The following ASPH variants were observed in gnomAD, a reference collection of about 807,000 sequenced individuals.
The protein encoded by ASPH is aspartate beta-hydroxylase.
ASPH carries 100 observed loss-of-function variants against 118.4 expected under a neutral mutation model. The ratio of observed to expected loss-of-function variants is 0.84; its 90% CI spans 0.72 to 1.00. ASPH has a LOEUF of 1.00. ASPH is among the 50% of genes least tolerant of loss of function. The pLI is 0.00. For missense variants in ASPH, 920 were observed against 919.5 expected (o/e 1.00, Z -0.01); for synonymous variants, 315 against 325.6 (o/e 0.97, Z 0.35).
chr8:61,545,091 G>GA (rs1823304042), intron 21 of ASPH, among the ~76,000 whole-genome samples: 1 of 152,230 alleles, frequency 6.6e-6, no homozygotes, highest in African/African-American at 2.4e-5. Flanking sequence ...GACTAAAGCT[G>GA]AATCACTGAC....
At chr8:61,664,733 C>CGGGA in intron 3 of ASPH, 1 of 977,562 alleles carries the variant, frequency 1.0e-6, no homozygotes, top group Non-Finnish European at 1.2e-6. Context: ...TGAAAGGCTG[C>CGGGA]GGGAGGGCTG....
intron 3 of ASPH, among the ~76,000 whole-genome samples, chr8:61,667,512 G>A (rs1320053758): frequency 1.3e-5 from 2 of 152,052 alleles, no homozygotes; most frequent in African/African-American, 2.4e-5. Context: ...GATTACAGGT[G>A]CCTGCCACCA....
intron 21 of ASPH, among the ~76,000 whole-genome samples, chr8:61,547,088 A>G (rs1020345437): frequency 2.5e-4 from 38 of 152,204 alleles, no homozygotes; most frequent in Admixed American, 1.4e-3. Flanking sequence ...TTGAGTAGAA[A>G]ACAACATGAT....
chr8:61,558,530 T>C (rs145625217), intron 18 of ASPH, among the ~76,000 whole-genome samples: 96 of 152,288 alleles, frequency 6.3e-4, no homozygotes, highest in Admixed American at 2.0e-3. Flanking sequence ...CTTGTATCTG[T>C]CTCTCAAATA....
intron 16 of ASPH, among the ~76,000 whole-genome samples, chr8:61,576,150 C>T (rs1003047943): frequency 5.9e-5 from 9 of 152,172 alleles, no homozygotes; most frequent in African/African-American, 2.2e-4. Context: ...CTTGTAGCTG[C>T]ACCTGACTAA....
intron 17 of ASPH, among the ~76,000 whole-genome samples, chr8:61,565,021 G>C (rs1831208729): frequency 6.6e-6 from 1 of 152,218 alleles, no homozygotes; most frequent in Non-Finnish European, 1.5e-5. Flanking sequence ...TGGTTATCGT[G>C]AAGTTAGCTA....
At chr8:61,522,902 T>C (rs1252952014) in intron 22 of ASPH, among the ~76,000 whole-genome samples, 1 of 152,122 alleles carries the variant, frequency 6.6e-6, no homozygotes, top group East Asian at 1.9e-4. Flanking sequence ...ATCTTAACTA[T>C]CTCCTTAAAG....
At chr8:61,567,386 C>T in intron 16 of ASPH, 68 bp from the exon 17 acceptor site, 1 of 1,453,654 alleles carries the variant, frequency 6.9e-7, no homozygotes, top group Non-Finnish European at 9.2e-7. Context: ...CCAAAATATT[C>T]ATAAAAAGTT....
At chr8:61,697,244 T>TG (rs1234143375) in intron 1 of ASPH, among the ~76,000 whole-genome samples, 1 of 152,240 alleles carries the variant, frequency 6.6e-6, no homozygotes, top group African/African-American at 2.4e-5. Flanking sequence ...TAATACATCT[T>TG]GGGGATATTA....
At chr8:61,590,004 T>C (rs1001976238) in intron 14 of ASPH, among the ~76,000 whole-genome samples, 1 of 152,154 alleles carries the variant, frequency 6.6e-6, no homozygotes, top group Non-Finnish European at 1.5e-5. Flanking sequence ...TCAATCACAA[T>C]CAGGAATTTG....
At chr8:61,569,367 T>G (rs1832779971) in intron 16 of ASPH, among the ~76,000 whole-genome samples, 1 of 152,184 alleles carries the variant, frequency 6.6e-6, no homozygotes, top group Non-Finnish European at 1.5e-5. Flanking sequence ...CATATATTTT[T>G]TTTTCTCAGA....
chr8:61,619,455 A>G (rs1850144538), intron 13 of ASPH, among the ~76,000 whole-genome samples: 1 of 152,212 alleles, frequency 6.6e-6, no homozygotes, highest in East Asian at 1.9e-4. Context: ...GCAGCATGTC[A>G]CACTGCTTGG....
intron 14 of ASPH, among the ~76,000 whole-genome samples, chr8:61,592,228 A>G (rs539113347): frequency 6.6e-6 from 1 of 152,370 alleles, no homozygotes; most frequent in African/African-American, 2.4e-5. Flanking sequence ...TATAAATGTT[A>G]ATTATGACTT....
At chr8:61,677,110 T>G (rs1262008230) in intron 3 of ASPH, among the ~76,000 whole-genome samples, 2 of 152,154 alleles carry the variant, frequency 1.3e-5, no homozygotes, top group Non-Finnish European at 2.9e-5. Flanking sequence ...GCTGGTCACT[T>G]GCAATAGGAA....
intron 5 of ASPH, among the ~76,000 whole-genome samples, chr8:61,650,385 CAG>C (rs1364477021): frequency 6.6e-6 from 1 of 152,158 alleles, no homozygotes; most frequent in Non-Finnish European, 1.5e-5. Context: ...ACCAAAGCAT[CAG>C]GAGAATCAGG....
chr8:61,588,812 C>T (rs1479100200), intron 14 of ASPH, among the ~76,000 whole-genome samples: 1 of 152,184 alleles, frequency 6.6e-6, no homozygotes, highest in Non-Finnish European at 1.5e-5. Flanking sequence ...TACACAAAGA[C>T]TTGCATGCAA....
chr8:61,504,457 T>C (rs900946395), intron 24 of ASPH, among the ~76,000 whole-genome samples: 6 of 152,244 alleles, frequency 3.9e-5, no homozygotes, highest in African/African-American at 9.6e-5. Flanking sequence ...CAAGTTACTA[T>C]ATTATCATAA....
chr8:61,586,326 AT>A (rs1839438919), intron 14 of ASPH, among the ~76,000 whole-genome samples: 1 of 152,224 alleles, frequency 6.6e-6, no homozygotes, highest in African/African-American at 2.4e-5. Context: ...CATCACGAAA[AT>A]TATAAATCCA....
At chr8:61,548,597 T>C (rs1824749888) in intron 20 of ASPH, among the ~76,000 whole-genome samples, 1 of 152,194 alleles carries the variant, frequency 6.6e-6, no homozygotes, top group South Asian at 2.1e-4. Flanking sequence ...ATGATTTTAA[T>C]AATTTCTTCA....
Sources: allele counts gnomAD v4.1 joint callset (sites outside exome capture counted in the v4.1 genomes callset), GRCh38; gene constraint gnomAD v4.1.1; transcripts MANE v1.5; gene names NCBI Gene and HGNC (gene_info 2026-07-23, HGNC 2026-07-21).